The following ST6GAL1 variants were observed in gnomAD, a reference collection of about 807,000 sequenced individuals.
The protein encoded by ST6GAL1 is ST6 beta-galactoside alpha-2,6-sialyltransferase 1, also known as beta-galactoside alpha-2,6-sialyltransferase 1.
In ST6GAL1, 20 loss-of-function variants were observed where a neutral mutation model predicts 38.0. The ratio of observed to expected loss-of-function variants is 0.53; its 90% CI spans 0.37 to 0.77. The LOEUF (loss-of-function observed/expected upper bound fraction) is 0.77, where lower values mean the gene tolerates loss of function less well. Among genes scored for constraint, ST6GAL1 ranks in the 30% least tolerant of loss-of-function variants. The probability of loss-of-function intolerance (pLI) is 0.00; values close to 1 mark genes in which losing one functional copy is unlikely to be tolerated. For synonymous variants in ST6GAL1, 196 were observed against 188.2 expected, an observed-to-expected ratio of 1.04 and a Z score of -0.34; for missense variants, 432 against 496.4, an observed-to-expected ratio of 0.87 and a Z score of 1.23.
chr3:187,021,008 A>AGGT (rs1717278874), intron 2 of ST6GAL1, among the ~76,000 whole-genome samples: 1 of 150,258 alleles, frequency 6.7e-6, no homozygotes, highest in African/African-American at 2.5e-5. Flanking sequence ...TCTGTCACCC[A>AGGT]GGCTGGAGTG....
chr3:187,059,888 G>A (rs747264340), intron 5 of ST6GAL1, among the ~76,000 whole-genome samples: 24 of 152,170 alleles, frequency 1.6e-4, no homozygotes, highest in Non-Finnish European at 3.1e-4. Flanking sequence ...AGTGGTCAAG[G>A]TACTAGGAGA....
Position 187,042,701 on chromosome 3 carries a change from A to C in ST6GAL1, c.-3A>C, listed in dbSNP as rs750722855. The stretch of plus-strand genomic sequence containing the variant: ...AAGTGACTTCCCTGAACACATCTTC[A>C]TTATGATTCACACCAACCTGAAGAA... On this transcript the variant is annotated 5_prime_UTR_variant, in exon 4 of 8. Coordinates refer to ENST00000169298, the MANE Select transcript of ST6GAL1 (RefSeq NM_173216.2). 6.2e-7 allele frequency: 1 copy of C among 1,601,748 alleles called. No homozygotes were observed. The highest frequency in any genetic ancestry group is 1.1e-5 in the South Asian group (1 of 89,174).
intron 2 of ST6GAL1, among the ~76,000 whole-genome samples, chr3:187,006,717 G>T (rs1716798268): frequency 6.6e-6 from 1 of 152,130 alleles, no homozygotes; most frequent in African/African-American, 2.4e-5. Flanking sequence ...TGGCAATCTG[G>T]CCCCAAAGTC....
intron 1 of ST6GAL1, among the ~76,000 whole-genome samples, chr3:186,939,414 A>G (rs1714083644): frequency 1.3e-5 from 2 of 152,116 alleles, no homozygotes; most frequent in African/African-American, 4.8e-5. Context: ...CCAAGTAAGG[A>G]GGCCTTGCTG....
chr3:187,014,946 A>G (rs1199923161), intron 2 of ST6GAL1, among the ~76,000 whole-genome samples: 1 of 152,178 alleles, frequency 6.6e-6, no homozygotes, highest in African/African-American at 2.4e-5. Flanking sequence ...CGTAAATACA[A>G]TCAAGCACAC....
At chr3:187,053,660 A>G (rs1238879282) in intron 5 of ST6GAL1, among the ~76,000 whole-genome samples, 9 of 152,038 alleles carry the variant, frequency 5.9e-5, no homozygotes, top group Non-Finnish European at 1.5e-5. Flanking sequence ...TCGTCTATAT[A>G]TCTGTTTTGG....
chr3:187,020,053 C>G (rs1717244426), intron 2 of ST6GAL1, among the ~76,000 whole-genome samples: 1 of 152,126 alleles, frequency 6.6e-6, no homozygotes, highest in Admixed American at 6.5e-5. Context: ...AATCCCAGCA[C>G]TTTGACAGGC....
chr3:187,045,993 C>T (rs1281210800), intron 4 of ST6GAL1, among the ~76,000 whole-genome samples: 3 of 152,154 alleles, frequency 2.0e-5, no homozygotes, highest in Admixed American at 6.5e-5. Context: ...CGTTGATAGT[C>T]ACAATAAGGA....
chr3:186,984,042 C>T (rs1174116049), intron 2 of ST6GAL1, among the ~76,000 whole-genome samples: 1 of 152,144 alleles, frequency 6.6e-6, no homozygotes, highest in African/African-American at 2.4e-5. Flanking sequence ...TTTCCTCTGC[C>T]CCCAGGTCTG....
chr3:187,075,839 A>G lies in ST6GAL1; in HGVS notation c.*36A>G, dbSNP rs1292823150. 10 of 1,609,064 alleles carry G rather than the reference A, an allele frequency of 6.2e-6. No homozygotes were observed. Among genetic ancestry groups the G allele is most frequent in the Non-Finnish European group, 7.7e-6 (9 of 1,176,136 alleles). The stretch of plus-strand genomic sequence containing the variant: ...CTCACTCTTCTCCATCAGGCATTAA[A>G]TGAATGGTCTCTTGGCCACCCCAGC... On this transcript the variant is annotated 3_prime_UTR_variant, in exon 8 of 8. Transcript: ENST00000169298. This position sits in a 1 kb window ranked among gnomAD's most constrained non-coding sequence, Gnocchi z 4.1.
In ST6GAL1 at chr3:187,076,921, A is replaced by T; in HGVS notation, c.*1118A>T. The T allele has an allele frequency of 2.5e-6, 1 of 397,886 alleles. No individual in the cohort carries two copies. Among genetic ancestry groups the T allele is most frequent in the Non-Finnish European group, 4.4e-6 (1 of 225,960 alleles). The allele number at this position is 397,886 out of a possible 1,614,324, so 24.6% of individuals were successfully genotyped here. ...GTCCTGTCAGCTGGGTTTACATACC[A>T]GTCCCATTCTTCCTTTTCAATACCT... On this transcript the variant is annotated 3_prime_UTR_variant, in exon 8 of 8. Transcript: ENST00000169298.
rs145309453 is a variant in ST6GAL1 at position 187,008,095 on chromosome 3, A to G, written c.-182-30647A>G. Among the ~76,000 whole-genome samples, 770 of 152,308 alleles carry G rather than the reference A, an allele frequency of 5.1e-3. 23 individuals are homozygous for G. The East Asian group carries it at 0.08, about 16-fold the overall frequency. On this transcript the variant is annotated intron_variant, in intron 2 of 7. Transcript: ENST00000169298. ...CATCTCAGAAGGTAAAAAGAAAAAT[A>G]CTGGTGCAGAAAAAAATATTTGGAG... is the stretch of plus-strand genomic sequence containing the variant.
intron 2 of ST6GAL1, among the ~76,000 whole-genome samples, chr3:187,005,269 C>CTTTTTTTTTTTTTTTT (rs58085172): frequency 9.6e-6 from 1 of 103,940 alleles, no homozygotes; most frequent in Non-Finnish European, 2.0e-5. Flanking sequence ...TTTTCTTTTT[C>CTTTTTTTTTTTTTTTT]TTTTTTTTTT....
intron 2 of ST6GAL1, among the ~76,000 whole-genome samples, chr3:186,995,790 G>T (rs1716384418): frequency 6.6e-6 from 1 of 152,222 alleles, no homozygotes; most frequent in Non-Finnish European, 1.5e-5. Flanking sequence ...GCTGCAGTGA[G>T]CCGAGATTGT....
chr3:186,970,220 T>C lies in ST6GAL1; in HGVS notation c.-183+6294T>C, dbSNP rs1486728450. ...TTTCTTTTTCTTTTCTTTTTCTTTT[T>C]TTTTTTTTTTTTAAGACAGAGTTGC... On this transcript the variant is annotated intron_variant, in intron 2 of 7. Transcript: ENST00000169298. 8.7e-4 allele frequency among the ~76,000 whole-genome samples: 131 copies of C among 150,656 alleles called. 3 individuals carry two copies. Among genetic ancestry groups the C allele is most frequent in the African/African-American group, 2.8e-3 (116 of 41,178 alleles).
rs1479138167 is a variant in ST6GAL1 at position 186,952,627 on chromosome 3, T to G, written c.-324-11158T>G. ...TCAAGCGCTTCTCTGTTGGCTCATT[T>G]TCACTTGGTCACTGTGGAGTGCCTC... On this transcript the variant is annotated intron_variant, in intron 1 of 7. Transcript: ENST00000169298. This position sits in a 1 kb window ranked among gnomAD's most constrained non-coding sequence, Gnocchi z 4.1. Among the ~76,000 whole-genome samples, 4 of 152,076 alleles carry G rather than the reference T, an allele frequency of 2.6e-5. No individual in the cohort carries two copies. Among genetic ancestry groups the G allele is most frequent in the Admixed American group, 6.6e-5 (1 of 15,254 alleles).
chr3:186,935,056 G>C (rs1713897601), intron 1 of ST6GAL1, among the ~76,000 whole-genome samples: 1 of 152,010 alleles, frequency 6.6e-6, no homozygotes. Context: ...TTGTTATACA[G>C]GTAAACTTGT....
chr3:187,045,878 T>C (rs911346954), intron 4 of ST6GAL1, among the ~76,000 whole-genome samples: 1 of 152,166 alleles, frequency 6.6e-6, no homozygotes, highest in African/African-American at 2.4e-5. Flanking sequence ...AAAAGTGTGT[T>C]TGGGCATCAC....
intron 3 of ST6GAL1, among the ~76,000 whole-genome samples, chr3:187,039,695 C>A (rs984220739): frequency 6.6e-6 from 1 of 152,238 alleles, no homozygotes; most frequent in Non-Finnish European, 1.5e-5. Context: ...TCTTTTCCCT[C>A]GGTTGCGCCA....
Sources: allele counts gnomAD v4.1 joint callset (sites outside exome capture counted in the v4.1 genomes callset), GRCh38; gene constraint gnomAD v4.1.1; non-coding constraint Gnocchi (gnomAD v3.1); transcripts MANE v1.5; gene names NCBI Gene and HGNC (gene_info 2026-07-23, HGNC 2026-07-21).